DOP1A: variants seen among roughly 807,000 people sequenced by gnomAD.
The protein encoded by DOP1A is protein DOP1A.
Under a neutral mutation model 267.6 loss-of-function variants are expected in DOP1A, and 90 were observed. The observed-to-expected ratio is 0.34, with a 90% CI of 0.28 to 0.40. DOP1A has a LOEUF of 0.40. Among genes scored for constraint, DOP1A ranks in the 10% least tolerant of loss-of-function variants. The pLI is 1.00. For synonymous variants in DOP1A, 932 were observed against 999.1 expected, an observed-to-expected ratio of 0.93 and a Z score of 1.27; for missense variants, 2,437 against 2,900.4, an observed-to-expected ratio of 0.84 and a Z score of 3.67.
intron 3 of DOP1A, among the ~76,000 whole-genome samples, chr6:83,100,446 T>C (rs1048314533): frequency 6.6e-6 from 1 of 152,212 alleles, no homozygotes; most frequent in Non-Finnish European, 1.5e-5. Flanking sequence ...CTCTTCTCCA[T>C]AAATTTGTTT....
rs1778779672 is a variant in DOP1A, at chr6:83,135,762, A to C, written c.3014A>C (p.Lys1005Thr). The change falls in exon 20 of 39, where the codon AAA becomes ACA. Residue 1005 changes from lysine to threonine, a missense_variant. Around this residue, in one of 9 missense-constraint regions of DOP1A, gnomAD observed 878 missense variants for 992.9 expected, o/e 0.88. Transcript: ENST00000349129. ...TTGCTATTGCTCCTGCTTCATCCAAAAACTCAGAGGGTTTCAGTACAGCGT... is the reference window on the plus strand; with the variant it reads ...TTGCTATTGCTCCTGCTTCATCCAACAACTCAGAGGGTTTCAGTACAGCGT... ...EPLLLLLLHPKTQRVSVQRVQ... is the reference protein window; with the variant it reads ...EPLLLLLLHPTTQRVSVQRVQ... 1 of 1,613,588 alleles carries C rather than the reference A, an allele frequency of 6.2e-7. No homozygotes were observed. The highest frequency in any genetic ancestry group is 8.5e-7 in the Non-Finnish European group (1 of 1,179,736).
intron 29 of DOP1A, 60 bp from the exon 30 acceptor site, chr6:83,152,228 A>G (rs1781831233): frequency 1.0e-6 from 1 of 955,374 alleles, no homozygotes; most frequent in East Asian, 2.8e-5. Context: ...ACACACACAC[A>G]CACATAAAAT....
intron 3 of DOP1A, among the ~76,000 whole-genome samples, chr6:83,098,030 C>G (rs1771831372): frequency 6.6e-6 from 1 of 151,760 alleles, no homozygotes; most frequent in Non-Finnish European, 1.5e-5. Context: ...GTAGGTGGGA[C>G]TGCAGGCATG....
chr6:83,129,546 T>G, intron 16 of DOP1A, 38 bp downstream of exon 16: 2 of 1,430,264 alleles, frequency 1.4e-6, no homozygotes, highest in Non-Finnish European at 9.1e-7. Flanking sequence ...TTCAGTATTG[T>G]CTGTAGTATG....
chr6:83,148,736 G>A lies in DOP1A; in HGVS notation c.5733-23G>A, dbSNP rs75181782. 1.8e-4 allele frequency: 267 copies of A among 1,454,450 alleles called. 5 individuals are homozygous for A. In the South Asian group the frequency reaches 2.8e-3, roughly 15 times the overall value. 90.1% of individuals were successfully genotyped at this position (1,454,450 alleles called of 1,614,324 possible). On this transcript the variant is annotated intron_variant, in intron 26 of 38. Transcript: ENST00000349129. Reference sequence around the variant, plus strand: ...AAAACCATAGTTTATTGTGGCTTTTGTATAAACTATATTATCTTGCAGAAT... The same window carrying A: ...AAAACCATAGTTTATTGTGGCTTTTATATAAACTATATTATCTTGCAGAAT...
chr6:83,151,526 A>C (rs533645851), intron 27 of DOP1A, 67 bp from the exon 28 acceptor site: 10 of 1,310,558 alleles, frequency 7.6e-6, no homozygotes, highest in Admixed American at 7.3e-5. Flanking sequence ...CATCGTGAGA[A>C]ATTAGATCGC....
At chr6:83,089,669 T>C (rs1351994933) in intron 1 of DOP1A, among the ~76,000 whole-genome samples, 3 of 152,232 alleles carry the variant, frequency 2.0e-5, no homozygotes, top group Non-Finnish European at 2.9e-5. Context: ...TTTTTATTTT[T>C]ATTTTTTTAA....
intron 1 of DOP1A, among the ~76,000 whole-genome samples, chr6:83,079,627 A>C (rs1466262533): frequency 4.6e-5 from 7 of 152,162 alleles, no homozygotes; most frequent in Non-Finnish European, 8.8e-5. Context: ...CTAATTTTTA[A>C]ATATATTGGT....
At chr6:83,160,190 G>A (rs1199276896) in intron 37 of DOP1A, among the ~76,000 whole-genome samples, 1 of 152,082 alleles carries the variant, frequency 6.6e-6, no homozygotes, top group African/African-American at 2.4e-5. Flanking sequence ...GAGACAATGG[G>A]GTACATAACT....
chr6:83,084,924 C>T (rs1768811200), intron 1 of DOP1A, among the ~76,000 whole-genome samples: 1 of 152,084 alleles, frequency 6.6e-6, no homozygotes, highest in Non-Finnish European at 1.5e-5. Context: ...TTTCACAGGG[C>T]TGGAATGACT....
At chr6:83,154,272 T>C in intron 33 of DOP1A, 31 bp downstream of exon 33, 2 of 1,585,998 alleles carry the variant, frequency 1.3e-6, no homozygotes, top group Non-Finnish European at 8.7e-7. Context: ...ATCCAAGTTC[T>C]TTCCTGTACA....
chr6:83,122,085 CATAAT>C (rs986134219), intron 11 of DOP1A, 35 bp downstream of exon 11: 9 of 1,602,700 alleles, frequency 5.6e-6, no homozygotes, highest in Non-Finnish European at 6.8e-6. Flanking sequence ...GACATGAAGA[CATAAT>C]ATGTATTCAC....
In DOP1A at chr6:83,153,533, T is replaced by C. The variant is rs371097692; in HGVS notation, c.6152T>C (p.Met2051Thr). 1 of 1,603,708 alleles carries C rather than the reference T, an allele frequency of 6.2e-7. No homozygotes were observed. Among genetic ancestry groups the C allele is most frequent in the African/African-American group, 1.3e-5 (1 of 74,440 alleles). ...LSEVLAHLLDMVFYSDEKERV... is the reference protein window; with the variant it reads ...LSEVLAHLLDTVFYSDEKERV... ...TAGGTTTTGGCTCATCTTTTGGATA[T>C]GGTTTTCTATAGTGATGAAAAGGAG... The change falls in exon 31 of 39, where the codon ATG (methionine) becomes ACG (threonine). Residue 2051 changes from methionine (M) to threonine (T), a missense_variant. Physicochemically the swap from Met to Thr is moderately conservative, Grantham distance 81. This residue lies in a region of DOP1A where 216 missense variants were observed against 283.3 expected (regional missense o/e 0.76). Transcript: ENST00000349129.
intron 34 of DOP1A, among the ~76,000 whole-genome samples, chr6:83,156,792 A>G (rs892271284): frequency 6.6e-6 from 1 of 152,176 alleles, no homozygotes; most frequent in African/African-American, 2.4e-5. Context: ...TTTTACGCCT[A>G]ATTTCAGATA....
intron 7 of DOP1A, 108 bp from the exon 8 acceptor site, chr6:83,118,780 C>A: frequency 1.3e-6 from 1 of 746,948 alleles, no homozygotes; most frequent in Non-Finnish European, 2.1e-6. Flanking sequence ...CATGAAAGTA[C>A]TCCATACACC....
At chr6:83,086,193 A>T (rs779455716) in intron 1 of DOP1A, among the ~76,000 whole-genome samples, 2 of 152,228 alleles carry the variant, frequency 1.3e-5, no homozygotes, top group Non-Finnish European at 2.9e-5. Flanking sequence ...CTAATAGCCT[A>T]CTATAGACTG....
chr6:83,139,285 T>C, intron 21 of DOP1A, 123 bp downstream of exon 21: 1 of 709,560 alleles, frequency 1.4e-6, no homozygotes, highest in Non-Finnish European at 2.3e-6. Context: ...TTACAAATAG[T>C]GTATTACTTT....
chr6:83,137,362 A>G lies in DOP1A; in HGVS notation c.3320A>G (p.Gln1107Arg). Residue 1107 changes from glutamine to arginine, a missense_variant, in exon 21 of 39, where the codon CAG (glutamine) becomes CGG (arginine). By Grantham distance (43) the Gln-to-Arg change is conservative (BLOSUM62 1). This residue lies in a region of DOP1A where 878 missense variants were observed against 992.9 expected (regional missense o/e 0.88). Transcript: ENST00000349129. ...DLPDQQIEIL[Q>R]SSDSGCSQSS... ...CCAGACCAACAGATAGAAATACTTC[A>G]GAGTTCTGACTCGGGATGTTCACAG... 1 of 1,613,844 alleles carries G rather than the reference A, an allele frequency of 6.2e-7. No individual in the cohort carries two copies. The highest frequency in any genetic ancestry group is 8.5e-7 in the Non-Finnish European group (1 of 1,179,824).
At position 83,104,763 on chromosome 6, in the gene DOP1A, G is replaced by A. The variant is rs118092561; in HGVS notation, c.320+3877G>A. ...ATCAGCCTAAAGTTCTTAATATACT[G>A]TTATCTTTGTAGCATGTAGGATCTA... is the stretch of plus-strand genomic sequence containing the variant. On this transcript the variant is annotated intron_variant, in intron 4 of 38. Coordinates refer to ENST00000349129, the MANE Select transcript of DOP1A (RefSeq NM_015018.4). Among the ~76,000 whole-genome samples the A allele has an allele frequency of 4.0e-3, 609 of 152,040 alleles. 4 individuals are homozygous for A. Among genetic ancestry groups the A allele is most frequent in the Non-Finnish European group, 6.3e-3 (425 of 67,926 alleles).
Sources: gnomAD v4.1 joint callset for allele counts (sites outside exome capture counted in the v4.1 genomes callset) on GRCh38, gnomAD v4.1.1 for gene constraint, gnomAD v4.1.1 regional missense constraint, MANE v1.5 for transcripts, NCBI Gene and HGNC (gene_info 2026-07-23, HGNC 2026-07-21) for gene names.